The following CCDC3 variants were observed in gnomAD, a reference collection of about 807,000 sequenced individuals.
CCDC3 encodes the protein coiled-coil domain containing 3.
In CCDC3, 24 loss-of-function variants were observed where a neutral mutation model predicts 21.4. The observed-to-expected ratio is 1.12, with a 90% CI of 0.81 to 1.58. The LOEUF is 1.58. Ranked by LOEUF, CCDC3 falls within the 40% of genes most tolerant of loss-of-function variation. The pLI, the probability that CCDC3 is intolerant of heterozygous loss-of-function variation, is 0.00. For missense variants in CCDC3, 425 were observed against 360.9 expected, an observed-to-expected ratio of 1.18 and a Z score of -1.44; for synonymous variants, 186 against 166.0, an observed-to-expected ratio of 1.12 and a Z score of -0.93.
intron 2 of CCDC3, among the ~76,000 whole-genome samples, chr10:12,956,602 TG>T (rs768294382): frequency 3.8e-4 from 58 of 152,346 alleles, no homozygotes; most frequent in African/African-American, 1.3e-3. Flanking sequence ...GAGCTTCTGT[TG>T]GCTTGGTTTA....
chr10:13,068,858 T>G (rs910612652), intron 4 of CCDC3, among the ~76,000 whole-genome samples: 3 of 152,224 alleles, frequency 2.0e-5, no homozygotes, highest in African/African-American at 7.2e-5. Context: ...TAGCAAAAGA[T>G]GATAAGAAGG....
Position 13,022,723 on chromosome 10 carries a change from A to G in CCDC3, c.-1-24211T>C, listed in dbSNP as rs573092174. Among the ~76,000 whole-genome samples, 3 of 152,348 alleles carry G rather than the reference A, an allele frequency of 2.0e-5. No homozygotes were observed. The East Asian group carries it at 5.8e-4, about 29-fold the overall frequency. On this transcript the variant is annotated intron_variant, in intron 5 of 6. Transcript: ENST00000378839. ...TTTTTAAAAACTGACCATTTATCAA[A>G]TTAATTCCCAACCAAATGTCCCTCC...
At chr10:12,999,990 G>A (rs12415430) in intron 1 of CCDC3, among the ~76,000 whole-genome samples, 6,893 of 152,270 alleles carry the variant, frequency 0.045, 404 homozygotes, top group East Asian at 0.28. Flanking sequence ...AAAGCAAGAC[G>A]TGTTTTTTAA....
chr10:12,929,811 CG>C (rs1305247654), intron 2 of CCDC3, among the ~76,000 whole-genome samples: 1 of 152,046 alleles, frequency 6.6e-6, no homozygotes, highest in South Asian at 2.1e-4. Context: ...TGCAATGGGG[CG>C]GGGGGATGAT....
intron 3 of CCDC3, among the ~76,000 whole-genome samples, chr10:13,082,982 C>T (rs1326483580): frequency 6.6e-6 from 1 of 152,094 alleles, no homozygotes; most frequent in Non-Finnish European, 1.5e-5. Context: ...AGCTTGTGCC[C>T]TCGGTCTCTT....
chr10:13,043,108 GGTTT>G (rs757265248), intron 5 of CCDC3, among the ~76,000 whole-genome samples: 52 of 152,126 alleles, frequency 3.4e-4, no homozygotes, highest in Admixed American at 7.9e-4. Flanking sequence ...GTACATGTCA[GGTTT>G]GTTATATGGG....
intron 3 of CCDC3, among the ~76,000 whole-genome samples, chr10:13,076,195 A>G (rs1284216880): frequency 1.3e-5 from 2 of 152,262 alleles, no homozygotes; most frequent in Non-Finnish European, 2.9e-5. Context: ...TTTCTAACTT[A>G]GCAAATGGGC....
At chr10:13,091,820 CA>C (rs5783305) in intron 3 of CCDC3, among the ~76,000 whole-genome samples, 17,444 of 127,152 alleles carry the variant, frequency 0.14, 973 homozygotes, top group Non-Finnish European at 0.15. Flanking sequence ...AAGCCCAATC[CA>C]AAAAAAAAAA....
At chr10:12,979,965 T>C (rs1324832993) in intron 2 of CCDC3, among the ~76,000 whole-genome samples, 1 of 152,186 alleles carries the variant, frequency 6.6e-6, no homozygotes, top group Non-Finnish European at 1.5e-5. Context: ...TGATGATTAT[T>C]GCATTTAAGG....
At chr10:12,992,987 A>G (rs967982067) in intron 2 of CCDC3, among the ~76,000 whole-genome samples, 2 of 152,168 alleles carry the variant, frequency 1.3e-5, no homozygotes, top group African/African-American at 2.4e-5. Flanking sequence ...ACAGAACCCA[A>G]TCGATTCTGT....
intron 5 of CCDC3, among the ~76,000 whole-genome samples, chr10:13,031,561 G>T (rs1836301156): frequency 6.6e-6 from 1 of 152,056 alleles, no homozygotes; most frequent in South Asian, 2.1e-4. Context: ...ACAGGAGCTG[G>T]TTTTTTGAAA....
At chr10:12,916,103 G>A (rs1834349101) in intron 2 of CCDC3, among the ~76,000 whole-genome samples, 1 of 152,154 alleles carries the variant, frequency 6.6e-6, no homozygotes, top group Admixed American at 6.5e-5. Flanking sequence ...TGCAGGGGCT[G>A]CCCTGGCACT....
intron 4 of CCDC3, among the ~76,000 whole-genome samples, chr10:13,056,434 T>C (rs1588408919): frequency 6.7e-6 from 1 of 148,236 alleles, no homozygotes; most frequent in East Asian, 1.9e-4. Flanking sequence ...AAGTTCGTGA[T>C]GGACTAGCAG....
intron 2 of CCDC3, among the ~76,000 whole-genome samples, chr10:12,968,030 G>A (rs1835286540): frequency 6.6e-6 from 1 of 152,044 alleles, no homozygotes; most frequent in African/African-American, 2.4e-5. Flanking sequence ...TTAGCCAGGT[G>A]TGGTGGCGTG....
chr10:12,939,391 G>A, intron 2 of CCDC3, among the ~76,000 whole-genome samples: 1 of 152,226 alleles, frequency 6.6e-6, no homozygotes, highest in East Asian at 1.9e-4. Flanking sequence ...GGCACTTTGG[G>A]AAGCCAAGGC....
At chr10:13,051,496 G>T (rs117007055) in intron 4 of CCDC3, among the ~76,000 whole-genome samples, 3 of 152,188 alleles carry the variant, frequency 2.0e-5, no homozygotes, top group Non-Finnish European at 4.4e-5. Flanking sequence ...AGATTATCAC[G>T]TCAAGTGCAG....
chr10:13,006,707 T>C (rs1835927917), upstream of CCDC3, among the ~76,000 whole-genome samples: 2 of 152,304 alleles, frequency 1.3e-5, no homozygotes, highest in African/African-American at 4.8e-5. Context: ...GGAGGATTTA[T>C]GGTGTGTGCA....
At chr10:13,074,325 ATTTTTTTTTTTTTTTTTTTTTTTT>A (rs543893110) in intron 3 of CCDC3, among the ~76,000 whole-genome samples, 9 of 62,828 alleles carry the variant, frequency 1.4e-4, no homozygotes, top group Admixed American at 9.3e-4. Flanking sequence ...ATCCCGGCTA[ATTTTTTTTTTTTTTTTTTTTTTTT>A]TTTTTTTTTT....
intron 2 of CCDC3, among the ~76,000 whole-genome samples, chr10:12,927,089 T>G (rs1245441697): frequency 6.6e-6 from 1 of 152,208 alleles, no homozygotes; most frequent in Non-Finnish European, 1.5e-5. Context: ...TACCAGTTCC[T>G]GTTTTCCATC....
Sources: gnomAD v4.1 joint callset for allele counts (sites outside exome capture counted in the v4.1 genomes callset) on GRCh38, gnomAD v4.1.1 for gene constraint, MANE v1.5 for transcripts, NCBI Gene and HGNC (gene_info 2026-07-23, HGNC 2026-07-21) for gene names.